VPS13A: variants seen among roughly 807,000 people sequenced by gnomAD.
The protein encoded by VPS13A is vacuolar protein sorting 13 homolog A, also known as intermembrane lipid transfer protein VPS13A.
VPS13A carries 264 observed loss-of-function variants against 390.9 expected under a neutral mutation model. The observed-to-expected ratio is 0.68, with a 90% confidence interval of 0.61 to 0.75. The LOEUF (loss-of-function observed/expected upper bound fraction) is 0.75. Among genes scored for constraint, VPS13A ranks in the 30% least tolerant of loss-of-function variants. The pLI, the probability that VPS13A is intolerant of heterozygous loss-of-function variation, is 0.00. For missense variants in VPS13A, 3,409 were observed against 3,733.9 expected (o/e 0.91, Z 2.27); for synonymous variants, 1,231 against 1,227.1 (o/e 1.00, Z -0.07).
chr9:77,403,081 G>A (rs1834457737), intron 68 of VPS13A, among the ~76,000 whole-genome samples, 155 bp from the exon 69 acceptor site: 1 of 152,056 alleles, frequency 6.6e-6, no homozygotes, highest in Admixed American at 6.6e-5. Flanking sequence ...CTTTTAAAAA[G>A]GAAACAGCAA....
intron 68 of VPS13A, among the ~76,000 whole-genome samples, chr9:77,385,542 A>G (rs1179716536): frequency 6.6e-6 from 1 of 152,030 alleles, no homozygotes; most frequent in African/African-American, 2.4e-5. Context: ...ATATCTCTGA[A>G]AGATCCATTA....
rs536300138 is a variant in VPS13A, at chr9:77,415,951, C to G, written c.9475-5C>G. The stretch of plus-strand genomic sequence containing the variant: ...AGCAAATGTTCATTTATTTTCCCAC[C>G]GCAGTGGATCCTCACAAAGCTACAA... On this transcript the variant is annotated splice_polypyrimidine_tract_variant and splice_region_variant and intron_variant, in intron 71 of 71. Transcript: ENST00000360280. 2 of 1,613,102 alleles carry G rather than the reference C, an allele frequency of 1.2e-6. No homozygotes were observed. The highest frequency in any genetic ancestry group is 1.7e-6 in the Non-Finnish European group (2 of 1,179,310).
chr9:77,191,154 C>CT (rs1383259963), intron 1 of VPS13A, among the ~76,000 whole-genome samples: 1 of 151,996 alleles, frequency 6.6e-6, no homozygotes, highest in Non-Finnish European at 1.5e-5. Flanking sequence ...TTATATCTTT[C>CT]TAACATTTTG....
At chr9:77,213,698 C>G (rs554090550) in intron 9 of VPS13A, among the ~76,000 whole-genome samples, 5 of 152,034 alleles carry the variant, frequency 3.3e-5, no homozygotes. Flanking sequence ...GACAAGGTCT[C>G]ACTTTTTGTT....
intron 57 of VPS13A, 148 bp from the exon 58 acceptor site, chr9:77,359,185 T>A: frequency 1.5e-6 from 1 of 674,690 alleles, no homozygotes; most frequent in Non-Finnish European, 2.6e-6. Flanking sequence ...AAATTAAGAT[T>A]GTAGTAGATT....
chr9:77,319,764 A>T (rs1437031832), intron 42 of VPS13A, 91 bp downstream of exon 42: 1 of 688,880 alleles, frequency 1.5e-6, no homozygotes, highest in African/African-American at 1.8e-5. Flanking sequence ...TTCACAGCAA[A>T]ATTGAGAAGA....
At position 77,268,192 on chromosome 9, in the gene VPS13A, G is replaced by C. The variant is rs143889247; in HGVS notation, c.2428-5088G>C. Among the ~76,000 whole-genome samples the C allele has an allele frequency of 6.9e-3, 1,052 of 152,346 alleles. 6 individuals are homozygous for C. The highest frequency in any genetic ancestry group is 0.02 in the Middle Eastern group (6 of 294). ...TGCTGGCATTCCAGGTGCCACTGGGGTATGAAAGAAAGCTCCTTCAGCTAG... is the reference window on the plus strand; with the variant it reads ...TGCTGGCATTCCAGGTGCCACTGGGCTATGAAAGAAAGCTCCTTCAGCTAG... On this transcript the variant is annotated intron_variant, in intron 23 of 71. Transcript: ENST00000360280.
At chr9:77,348,435 A>G (rs1831280572) in intron 52 of VPS13A, among the ~76,000 whole-genome samples, 2 of 152,080 alleles carry the variant, frequency 1.3e-5, no homozygotes, top group Non-Finnish European at 2.9e-5. Context: ...GGACACAGGG[A>G]GGGGAACAAC....
chr9:77,225,973 G>C lies in VPS13A; in HGVS notation c.1209G>C (p.Gln403His), dbSNP rs368324654. 1 of 1,612,278 alleles carries C rather than the reference G, an allele frequency of 6.2e-7. No individual in the cohort carries two copies. The change falls in exon 14 of 72, where the codon CAG (glutamine) becomes CAC (histidine). Residue 403 changes from glutamine (Q) to histidine (H), a missense_variant. By Grantham distance (24) the Gln-to-His change is conservative. Transcript: ENST00000360280. The stretch of plus-strand genomic sequence containing the variant: ...TCTTTAATATAACTATAGCTAGACA[G>C]ACGGCAGAAGTTGAGGTAATTCTTG... ...LDVFNITIAR[Q>H]TAEVEVKKAG... is the part of the protein sequence containing the mutation.
chr9:77,368,011 C>T (rs1425611857), intron 61 of VPS13A, 44 bp from the exon 62 acceptor site: 2 of 1,510,248 alleles, frequency 1.3e-6, no homozygotes, highest in Non-Finnish European at 1.8e-6. Flanking sequence ...AAAATACTTT[C>T]TTCATACACA....
intron 53 of VPS13A, among the ~76,000 whole-genome samples, chr9:77,351,913 T>C (rs556634996): frequency 6.6e-5 from 10 of 152,266 alleles, no homozygotes; most frequent in African/African-American, 2.2e-4. Flanking sequence ...TCAGCCTTCC[T>C]AGTTTTAAGG....
chr9:77,261,072 T>G (rs1016922122), intron 23 of VPS13A, among the ~76,000 whole-genome samples: 4 of 152,048 alleles, frequency 2.6e-5, no homozygotes, highest in African/African-American at 9.7e-5. Flanking sequence ...AATTTTTTTT[T>G]GCATTTTTAG....
intron 1 of VPS13A, among the ~76,000 whole-genome samples, chr9:77,195,910 TG>T (rs1185541208): frequency 2.0e-5 from 3 of 152,152 alleles, no homozygotes; most frequent in Non-Finnish European, 2.9e-5. Flanking sequence ...TGATTTGGGA[TG>T]TTTCTTCTTT....
intron 68 of VPS13A, among the ~76,000 whole-genome samples, chr9:77,400,217 A>C (rs1587721168): frequency 8.2e-6 from 1 of 121,766 alleles, no homozygotes; most frequent in Non-Finnish European, 1.6e-5. Context: ...CATGTTTATC[A>C]GTCAGATTTT....
intron 67 of VPS13A, among the ~76,000 whole-genome samples, chr9:77,374,814 A>G (rs1034704164): frequency 6.6e-6 from 1 of 152,182 alleles, no homozygotes; most frequent in African/African-American, 2.4e-5. Flanking sequence ...AACAGATGAT[A>G]AAATTAATGT....
chr9:77,279,919 T>G (rs1826916060), intron 26 of VPS13A: 2 of 329,322 alleles, frequency 6.1e-6, no homozygotes, highest in Non-Finnish European at 1.1e-5. Flanking sequence ...CTATCTAGGT[T>G]TAGAAGGGTA....
Position 77,209,471 on chromosome 9 carries a change from C to A in VPS13A, c.434C>A (p.Thr145Lys), listed in dbSNP as rs370861429. 6.2e-7 allele frequency: 1 copy of A among 1,612,530 alleles called. No homozygotes were observed. The highest frequency in any genetic ancestry group is 1.3e-5 in the African/African-American group (1 of 74,884). ...GACACTTTTGCAGAAAAATTAGTTACACAGATCATAAAAAATCTTCAGGTG... is the reference window on the plus strand; with the variant it reads ...GACACTTTTGCAGAAAAATTAGTTAAACAGATCATAAAAAATCTTCAGGTG... Reference protein sequence around the residue: ...KQDTFAEKLVTQIIKNLQVKI... With the variant: ...KQDTFAEKLVKQIIKNLQVKI... The change falls in exon 6 of 72, where the codon ACA becomes AAA. Residue 145 changes from threonine to lysine, a missense_variant. By Grantham distance (78) the Thr-to-Lys change is moderately conservative. Coordinates refer to ENST00000360280, the MANE Select transcript of VPS13A (RefSeq NM_033305.3).
At chr9:77,413,682 C>G (rs1835043423) in intron 71 of VPS13A, among the ~76,000 whole-genome samples, 1 of 152,146 alleles carries the variant, frequency 6.6e-6, no homozygotes, top group African/African-American at 2.4e-5. Context: ...TAGGCATGGG[C>G]AAGGACTTCA....
chr9:77,220,171 GT>G, intron 11 of VPS13A, 90 bp downstream of exon 11: 1 of 1,518,878 alleles, frequency 6.6e-7, no homozygotes, highest in Non-Finnish European at 9.0e-7. Context: ...AATTCATGAT[GT>G]TATATGGTAG....
Sources: gnomAD v4.1 joint callset for allele counts (sites outside exome capture counted in the v4.1 genomes callset) on GRCh38, gnomAD v4.1.1 for gene constraint, MANE v1.5 for transcripts, NCBI Gene and HGNC (gene_info 2026-07-23, HGNC 2026-07-21) for gene names.